The following CBFB variants were observed in gnomAD, a reference collection of about 807,000 sequenced individuals.
CBFB encodes the protein core-binding factor subunit beta, also known as CBF-beta.
In CBFB, 9 loss-of-function variants were observed where a neutral mutation model predicts 30.4. That is an observed-to-expected ratio of 0.30 (90% CI 0.18 to 0.52). The LOEUF (loss-of-function observed/expected upper bound fraction) is 0.52, where lower values mean the gene tolerates loss of function less well. Among genes scored for constraint, CBFB ranks in the 20% least tolerant of loss-of-function variants. CBFB has a pLI of 0.97. For missense variants in CBFB, 170 were observed against 244.0 expected (o/e 0.70, Z 2.02); for synonymous variants, 94 against 84.0 (o/e 1.12, Z -0.65).
chr16:67,053,248 CTTTTTTT>C (rs576629599), intron 3 of CBFB, among the ~76,000 whole-genome samples: 3 of 122,760 alleles, frequency 2.4e-5, no homozygotes, highest in Non-Finnish European at 5.0e-5. Flanking sequence ...CACTTTCTCT[CTTTTTTT>C]TTTTTTTTTT....
chr16:67,052,265 T>C (rs1960576426), intron 3 of CBFB, among the ~76,000 whole-genome samples: 1 of 152,214 alleles, frequency 6.6e-6, no homozygotes, highest in South Asian at 2.1e-4. Flanking sequence ...CACCTCTTTT[T>C]ACTTTTTAAA....
rs1962175552 is a variant in CBFB, at chr16:67,100,116, CCTT to C, written c.*1339_*1341del. On this transcript the variant is annotated 3_prime_UTR_variant, in exon 6 of 6. Coordinates refer to ENST00000412916, the MANE Select transcript of CBFB (RefSeq NM_022845.3). ...AACAGTGCTAAGTCATTTGGCACCT[CCTT>C]ACAAATATTTTTCATGGTCACATTT... 4.7e-6 allele frequency: 1 copy of C among 212,518 alleles called. No individual in the cohort carries two copies. The highest frequency in any genetic ancestry group is 9.5e-6 in the Non-Finnish European group (1 of 104,884). The allele number at this position is 212,518 out of a possible 1,614,324, so 13.2% of individuals were successfully genotyped here. A position where few individuals can be genotyped will look rare whatever the true frequency, so the allele number is the denominator to read the frequency against.
At chr16:67,049,880 T>G (rs1345607425) in intron 3 of CBFB, among the ~76,000 whole-genome samples, 10 of 152,086 alleles carry the variant, frequency 6.6e-5, no homozygotes, top group Admixed American at 5.2e-4. Flanking sequence ...GAAGAACTGT[T>G]TAATTTTAGA....
chr16:67,076,676 C>A (rs1961406996), intron 4 of CBFB, among the ~76,000 whole-genome samples: 1 of 152,126 alleles, frequency 6.6e-6, no homozygotes, highest in Non-Finnish European at 1.5e-5. Flanking sequence ...CTCAGGTGAT[C>A]TGCCACACTT....
chr16:67,062,965 A>G (rs368528024), intron 3 of CBFB, among the ~76,000 whole-genome samples: 1 of 152,146 alleles, frequency 6.6e-6, no homozygotes, highest in Non-Finnish European at 1.5e-5. Flanking sequence ...AGGTGTGCTA[A>G]TAGGTGAAAT....
chr16:67,032,589 C>T (rs1292781008), intron 2 of CBFB, among the ~76,000 whole-genome samples: 1 of 152,104 alleles, frequency 6.6e-6, no homozygotes, highest in Non-Finnish European at 1.5e-5. Context: ...GGGTAGAGAC[C>T]TCATTAATTT....
chr16:67,084,340 CTT>C (rs904298513), intron 5 of CBFB, among the ~76,000 whole-genome samples: 1 of 152,036 alleles, frequency 6.6e-6, no homozygotes, highest in Non-Finnish European at 1.5e-5. Context: ...ACACATTCAT[CTT>C]TGATAATCAA....
chr16:67,071,612 G>A (rs1961223634), intron 4 of CBFB, among the ~76,000 whole-genome samples: 1 of 152,142 alleles, frequency 6.6e-6, no homozygotes, highest in East Asian at 1.9e-4. Context: ...ATCCTCAGAT[G>A]ACTAAAACAC....
intron 4 of CBFB, among the ~76,000 whole-genome samples, chr16:67,077,477 G>C (rs555279721): frequency 4.6e-4 from 70 of 152,304 alleles, no homozygotes; most frequent in African/African-American, 1.7e-3. Context: ...GCTACAGATT[G>C]ATGTGTTAAA....
intron 3 of CBFB, among the ~76,000 whole-genome samples, chr16:67,056,941 A>G (rs1339164642): frequency 1.3e-5 from 2 of 150,534 alleles, no homozygotes; most frequent in Non-Finnish European, 1.5e-5. Context: ...TGGCCTCCCA[A>G]AGTGCAGGGA....
At chr16:67,095,700 T>C (rs1358439954) in intron 5 of CBFB, among the ~76,000 whole-genome samples, 1 of 150,914 alleles carries the variant, frequency 6.6e-6, no homozygotes, top group African/African-American at 2.4e-5. Flanking sequence ...GTTTTTTTTT[T>C]TTTTTTTTGG....
chr16:67,062,622 TC>T (rs1260345779), intron 3 of CBFB, among the ~76,000 whole-genome samples: 8 of 151,454 alleles, frequency 5.3e-5, no homozygotes, highest in Non-Finnish European at 1.2e-4. Context: ...TGAAACCCCG[TC>T]TCTACTAAAA....
At chr16:67,097,567 T>A in intron 5 of CBFB, among the ~76,000 whole-genome samples, 1 of 148,478 alleles carries the variant, frequency 6.7e-6, no homozygotes, top group Non-Finnish European at 1.5e-5. Context: ...AAAAAAAGCA[T>A]CTGGGAATAT....
At chr16:67,066,449 A>G in intron 3 of CBFB, among the ~76,000 whole-genome samples, 1 of 151,214 alleles carries the variant, frequency 6.6e-6, no homozygotes, top group East Asian at 1.9e-4. Flanking sequence ...AATCCCAGCT[A>G]CTGGGGAGTC....
chr16:67,047,716 C>T (rs557584345), intron 3 of CBFB, among the ~76,000 whole-genome samples: 2 of 152,102 alleles, frequency 1.3e-5, no homozygotes, highest in Non-Finnish European at 2.9e-5. Context: ...TTTATTCACA[C>T]CAGCTTTTTA....
intron 1 of CBFB, 111 bp from the exon 2 acceptor site, chr16:67,029,613 GGGC>G: frequency 7.6e-7 from 1 of 1,312,664 alleles, no homozygotes; most frequent in Non-Finnish European, 1.0e-6. Flanking sequence ...AATCTCGCCG[GGGC>G]GGCCATCGCC....
chr16:67,081,968 G>A (rs995637108), intron 4 of CBFB: 15 of 196,828 alleles, frequency 7.6e-5, no homozygotes, highest in African/African-American at 3.1e-4. Flanking sequence ...ACAAACATGC[G>A]CCACAACATC....
Position 67,100,772 on chromosome 16 carries a change from C to T in CBFB, c.*1994C>T, listed in dbSNP as rs896550211. 2.8e-5 allele frequency: 6 copies of T among 216,470 alleles called. No individual in the cohort carries two copies. The highest frequency in any genetic ancestry group is 4.7e-5 in the Non-Finnish European group (5 of 107,340). 13.4% of individuals were successfully genotyped at this position (216,470 alleles called of 1,614,324 possible). A position where few individuals can be genotyped will look rare whatever the true frequency, so the allele number is the denominator to read the frequency against. ...TAATGTAAATACTGGATTTTTCTGT[C>T]ATTTAGCACCATGCTGCTTCTGTCT... is the stretch of plus-strand genomic sequence containing the variant. On this transcript the variant is annotated 3_prime_UTR_variant, in exon 6 of 6. Coordinates refer to ENST00000412916, the MANE Select transcript of CBFB (RefSeq NM_022845.3).
chr16:67,034,008 T>C (rs181160731), intron 2 of CBFB, among the ~76,000 whole-genome samples: 3 of 152,046 alleles, frequency 2.0e-5, no homozygotes, highest in African/African-American at 7.2e-5. Flanking sequence ...TTTTGTATTT[T>C]TAGTAGAGGT....
Sources: allele counts gnomAD v4.1 joint callset (sites outside exome capture counted in the v4.1 genomes callset), GRCh38; gene constraint gnomAD v4.1.1; transcripts MANE v1.5; gene names NCBI Gene and HGNC (gene_info 2026-07-23, HGNC 2026-07-21).